The following MDGA2 variants were observed in gnomAD, a reference collection of about 807,000 sequenced individuals.
MDGA2 encodes MAM domain containing glycosylphosphatidylinositol anchor 2, also known as MAM domain-containing glycosylphosphatidylinositol anchor protein 2.
MDGA2 carries 40 observed loss-of-function variants against 117.8 expected under a neutral mutation model. The ratio of observed to expected loss-of-function variants is 0.34; its 90% CI spans 0.26 to 0.44. The LOEUF is 0.44. Ranked by LOEUF, MDGA2 falls within the 20% of genes least tolerant of loss-of-function variation. The pLI is 1.00. For synonymous variants in MDGA2, 452 were observed against 439.0 expected, an observed-to-expected ratio of 1.03 and a Z score of -0.37; for missense variants, 1,123 against 1,250.6, an observed-to-expected ratio of 0.90 and a Z score of 1.54.
At chr14:47,633,652 A>G (rs564093661) in intron 1 of MDGA2, among the ~76,000 whole-genome samples, 1 of 152,326 alleles carries the variant, frequency 6.6e-6, no homozygotes, top group South Asian at 2.1e-4. Context: ...TCACATCAGT[A>G]ATTTCCAGTG....
At position 46,841,966 on chromosome 14, in the gene MDGA2, T is replaced by A; in HGVS notation, c.3043A>T (p.Ile1015Phe). ...GGACTTAAGATAGAGATGAGGACGATAATGGGAAAAAGCCATATATGAACC... is the reference window on the plus strand; with the variant it reads ...GGACTTAAGATAGAGATGAGGACGAAAATGGGAAAAAGCCATATATGAACC... ...ILVHIWLFPI[I>F]VLISILSPRR Residue 1015 changes from isoleucine (I) to phenylalanine (F), a missense_variant, in exon 17 of 17, where the codon ATC becomes TTC. Coordinates refer to ENST00000399232, the MANE Select transcript of MDGA2 (RefSeq NM_001113498.3). 1.2e-6 allele frequency: 2 copies of A among 1,612,710 alleles called. No homozygotes were observed. Among genetic ancestry groups the A allele is most frequent in the Non-Finnish European group, 1.7e-6 (2 of 1,179,192 alleles).
chr14:47,437,477 T>C (rs927074361), intron 1 of MDGA2, among the ~76,000 whole-genome samples: 7 of 152,180 alleles, frequency 4.6e-5, no homozygotes, highest in African/African-American at 1.4e-4. Flanking sequence ...TCTGGAAAGA[T>C]TGCAAATTAC....
intron 1 of MDGA2, among the ~76,000 whole-genome samples, chr14:47,601,800 T>C (rs1041227180): frequency 1.3e-5 from 2 of 152,196 alleles, no homozygotes; most frequent in Admixed American, 1.3e-4. Flanking sequence ...GCCCAGTGCA[T>C]ATGAAAGCGA....
At chr14:47,135,910 A>C (rs1462655626) in intron 4 of MDGA2, among the ~76,000 whole-genome samples, 1 of 152,134 alleles carries the variant, frequency 6.6e-6, no homozygotes, top group African/African-American at 2.4e-5. Flanking sequence ...ACTGGAGTGC[A>C]GCGCAACAAA....
intron 1 of MDGA2, among the ~76,000 whole-genome samples, chr14:47,541,890 A>T (rs1276104963): frequency 6.6e-6 from 1 of 152,152 alleles, no homozygotes; most frequent in Non-Finnish European, 1.5e-5. Flanking sequence ...TATAGGGAGA[A>T]TCACACAAGG....
chr14:47,189,588 C>T (rs1005191614), intron 3 of MDGA2, among the ~76,000 whole-genome samples: 58 of 151,982 alleles, frequency 3.8e-4, no homozygotes, highest in African/African-American at 1.3e-3. Context: ...ACCTTTTAAA[C>T]AAAAATGCTG....
chr14:47,428,970 T>TA (rs1044268804), intron 1 of MDGA2, among the ~76,000 whole-genome samples: 3 of 151,824 alleles, frequency 2.0e-5, no homozygotes, highest in South Asian at 4.1e-4. Context: ...AGTTATTATA[T>TA]AAAAAAACTA....
chr14:47,027,565 G>A (rs2138615355), intron 8 of MDGA2, among the ~76,000 whole-genome samples: 1 of 151,418 alleles, frequency 6.6e-6, no homozygotes, highest in East Asian at 1.9e-4. Flanking sequence ...CCACATACTT[G>A]ATAAACTGAT....
At chr14:47,337,586 G>A (rs148281658) in intron 1 of MDGA2, among the ~76,000 whole-genome samples, 1 of 152,044 alleles carries the variant, frequency 6.6e-6, no homozygotes, top group African/African-American at 2.4e-5. Flanking sequence ...TACTACTAGA[G>A]ACTGACAGCA....
chr14:47,664,893 G>A (rs867254333), intron 1 of MDGA2, among the ~76,000 whole-genome samples: 2 of 152,150 alleles, frequency 1.3e-5, no homozygotes, highest in African/African-American at 4.8e-5. Flanking sequence ...CCTACCTTCT[G>A]AAGAAATGGT....
chr14:47,134,445 C>G (rs890036710), intron 4 of MDGA2, among the ~76,000 whole-genome samples: 9 of 151,976 alleles, frequency 5.9e-5, no homozygotes, highest in African/African-American at 1.9e-4. Context: ...TACATTATTA[C>G]AGATAATCAA....
At chr14:47,389,969 A>G (rs920742313) in intron 1 of MDGA2, among the ~76,000 whole-genome samples, 3 of 152,210 alleles carry the variant, frequency 2.0e-5, no homozygotes, top group Non-Finnish European at 4.4e-5. Flanking sequence ...GGCTCCTTGA[A>G]TATGCTCTTA....
At chr14:46,898,794 G>T (rs558365318) in intron 10 of MDGA2, among the ~76,000 whole-genome samples, 3 of 152,022 alleles carry the variant, frequency 2.0e-5, no homozygotes, top group Non-Finnish European at 4.4e-5. Flanking sequence ...TTTCATTAAG[G>T]TCAGACAACT....
chr14:47,213,955 A>G (rs962681923), intron 3 of MDGA2, among the ~76,000 whole-genome samples: 9 of 152,136 alleles, frequency 5.9e-5, no homozygotes, highest in African/African-American at 1.9e-4. Context: ...CAGAATGGAA[A>G]GAGTACCTTT....
chr14:47,140,885 A>T (rs1016125912), intron 4 of MDGA2, among the ~76,000 whole-genome samples: 2 of 152,166 alleles, frequency 1.3e-5, no homozygotes, highest in Non-Finnish European at 2.9e-5. Context: ...AATGGGAGAA[A>T]ATATTTGCAA....
intron 1 of MDGA2, among the ~76,000 whole-genome samples, chr14:47,543,558 T>C (rs1227129335): frequency 6.6e-6 from 1 of 152,342 alleles, no homozygotes; most frequent in South Asian, 2.1e-4. Context: ...TCTGAGCAGA[T>C]GACACCATCA....
At chr14:47,275,516 T>C (rs1191063603) in intron 2 of MDGA2, among the ~76,000 whole-genome samples, 5 of 152,112 alleles carry the variant, frequency 3.3e-5, no homozygotes, top group Admixed American at 2.0e-4. Flanking sequence ...ATGCCTCTCA[T>C]GTGGAGGCCC....
intron 7 of MDGA2, chr14:47,059,235 G>T: frequency 1.0e-6 from 1 of 988,668 alleles, no homozygotes; most frequent in Non-Finnish European, 1.4e-6. Context: ...TGAGATTATA[G>T]CAATGAGTGA....
At chr14:46,870,891 T>C (rs1881967125) in intron 14 of MDGA2, 1 of 151,960 alleles carries the variant, frequency 6.6e-6, no homozygotes, top group African/African-American at 2.4e-5. Flanking sequence ...TAAAATCTAG[T>C]CTCATAAATA....
Sources: gnomAD v4.1 joint callset for allele counts (sites outside exome capture counted in the v4.1 genomes callset) on GRCh38, gnomAD v4.1.1 for gene constraint, MANE v1.5 for transcripts, NCBI Gene and HGNC (gene_info 2026-07-23, HGNC 2026-07-21) for gene names.